The following UBAP2 variants were observed in gnomAD, a reference collection of about 807,000 sequenced individuals.
UBAP2 encodes ubiquitin associated protein 2.
In UBAP2, 75 loss-of-function variants were observed where a neutral mutation model predicts 139.6. That is an observed-to-expected ratio of 0.54 (90% CI 0.45 to 0.65). The LOEUF is 0.65. Among genes scored for constraint, UBAP2 ranks in the 30% least tolerant of loss-of-function variants. The pLI is 0.00. For missense variants in UBAP2, 1,368 were observed against 1,369.6 expected, an observed-to-expected ratio of 1.00 and a Z score of 0.02; for synonymous variants, 526 against 526.2, an observed-to-expected ratio of 1.00 and a Z score of 0.01.
chr9:34,032,643 G>A (rs1825981716), intron 1 of UBAP2, among the ~76,000 whole-genome samples: 1 of 152,128 alleles, frequency 6.6e-6, no homozygotes, highest in Non-Finnish European at 1.5e-5. Flanking sequence ...TGTTTCTTAG[G>A]CTGGGTGTGG....
At chr9:34,035,712 C>T (rs1055463438) in intron 1 of UBAP2, among the ~76,000 whole-genome samples, 1 of 151,126 alleles carries the variant, frequency 6.6e-6, no homozygotes, top group Non-Finnish European at 1.5e-5. Context: ...CAAACAAACA[C>T]TATCAACAAA....
chr9:33,942,093 C>G (rs573782446), intron 15 of UBAP2, among the ~76,000 whole-genome samples: 92 of 151,302 alleles, frequency 6.1e-4, no homozygotes, highest in African/African-American at 2.1e-3. Context: ...GTGGGCGGAT[C>G]CGGAGGTCAG....
chr9:33,986,988 G>T (rs1821273457), intron 5 of UBAP2, 151 bp from the exon 6 acceptor site: 1 of 714,386 alleles, frequency 1.4e-6, no homozygotes, highest in East Asian at 2.6e-5. Context: ...AAACAAAAGT[G>T]ACTTAAAAAC....
In UBAP2 at chr9:33,956,152, T is replaced by C. The variant is rs1217208487; in HGVS notation, c.799-6A>G. ...AAGACCTTTGTTTCAGAAAGCTGTATGGAAAGTTGAAAAATTTAATCTTAT... is the reference window on the plus strand; with the variant it reads ...AAGACCTTTGTTTCAGAAAGCTGTACGGAAAGTTGAAAAATTTAATCTTAT... On this transcript the variant is annotated splice_region_variant and splice_polypyrimidine_tract_variant and intron_variant, in intron 10 of 28. Coordinates refer to ENST00000379238, the MANE Select transcript of UBAP2 (RefSeq NM_001370062.2). The C allele has an allele frequency of 4.3e-6, 7 of 1,612,490 alleles. No homozygotes were observed. In the Middle Eastern group the frequency reaches 5.1e-4, roughly 117 times the overall value.
Position 33,927,796 on chromosome 9 carries a change from C to T in UBAP2, c.2371+1G>A. 1 of 1,607,522 alleles carries T rather than the reference C, an allele frequency of 6.2e-7. No homozygotes were observed. Among genetic ancestry groups the T allele is most frequent in the Non-Finnish European group, 8.5e-7 (1 of 1,177,334 alleles). On this transcript the variant is annotated splice_donor_variant, in intron 20 of 28. Transcript: ENST00000379238. LOFTEE classifies it high-confidence loss of function. ...GCAGGAAAGGCCTCTGGAGCAAATA[C>T]CTGAGGTCACCAAGGGCGCGGCCCT... is the stretch of plus-strand genomic sequence containing the variant.
intron 1 of UBAP2, among the ~76,000 whole-genome samples, chr9:34,020,112 T>G (rs192344249): frequency 3.5e-5 from 5 of 143,436 alleles, no homozygotes; most frequent in African/African-American, 1.3e-4. Context: ...GTGAGCCCAC[T>G]GCACTCCAGC....
intron 19 of UBAP2, 121 bp downstream of exon 19, chr9:33,932,441 T>C: frequency 8.7e-7 from 1 of 1,154,500 alleles, no homozygotes; most frequent in Non-Finnish European, 1.2e-6. Context: ...ATCAAGACAT[T>C]TCAGCCAAGC....
intron 23 of UBAP2, 75 bp from the exon 24 acceptor site, chr9:33,924,075 G>T (rs112904629): frequency 3.8e-6 from 6 of 1,593,976 alleles, no homozygotes; most frequent in Non-Finnish European, 4.3e-6. Context: ...CTGCAAACAG[G>T]AACAGGTCTG....
At chr9:33,945,809 T>C (rs897074146) in intron 13 of UBAP2, among the ~76,000 whole-genome samples, 1 of 152,222 alleles carries the variant, frequency 6.6e-6, no homozygotes, top group African/African-American at 2.4e-5. Context: ...CACATAGGTA[T>C]CATTTTATAA....
chr9:33,969,921 CTTTTTTTTTT>C lies in UBAP2; in HGVS notation c.679+1720_679+1729del, dbSNP rs1173625005. Among the ~76,000 whole-genome samples the C allele has an allele frequency of 1.7e-4, 8 of 46,180 alleles. 1 individual carries two copies. In the East Asian group the frequency reaches 7.7e-3, roughly 45 times the overall value. 30.3% of individuals were successfully genotyped at this position (46,180 alleles called of 152,430 possible). On this transcript the variant is annotated intron_variant, in intron 8 of 28. Coordinates refer to ENST00000379238, the MANE Select transcript of UBAP2 (RefSeq NM_001370062.2). ...GCAAACTTAAATACCGTGTATAATT[CTTTTTTTTTT>C]TTTTTTTTTTTTTTTTGAGACAGAG...
At chr9:33,979,653 C>T (rs1406274153) in intron 6 of UBAP2, among the ~76,000 whole-genome samples, 2 of 152,022 alleles carry the variant, frequency 1.3e-5, no homozygotes, top group African/African-American at 2.4e-5. Context: ...GAGGCCGAGG[C>T]GGGCAGATCA....
intron 2 of UBAP2, among the ~76,000 whole-genome samples, chr9:34,012,193 T>C (rs1016778973): frequency 6.6e-6 from 1 of 152,068 alleles, no homozygotes; most frequent in African/African-American, 2.4e-5. Context: ...CACAAGAGAG[T>C]TGACATCTGA....
At chr9:33,992,983 A>G (rs768458652) in intron 4 of UBAP2, among the ~76,000 whole-genome samples, 13 of 152,190 alleles carry the variant, frequency 8.5e-5, no homozygotes, top group Non-Finnish European at 1.8e-4. Context: ...CCTTTGCCAA[A>G]AACTACCAAC....
intron 1 of UBAP2, among the ~76,000 whole-genome samples, chr9:34,039,284 C>T (rs1221262489): frequency 6.6e-6 from 1 of 151,860 alleles, no homozygotes; most frequent in Non-Finnish European, 1.5e-5. Context: ...GGGGGGGCGC[C>T]TCTGCCCGGC....
intron 1 of UBAP2, among the ~76,000 whole-genome samples, chr9:34,018,513 A>G (rs1824597704): frequency 6.6e-6 from 1 of 152,074 alleles, no homozygotes; most frequent in African/African-American, 2.4e-5. Flanking sequence ...CTGGGTAGGC[A>G]CCAAAAACAA....
Position 33,922,602 on chromosome 9 carries a change from G to C in UBAP2, c.3265-3C>G. ...TGGCTGCGCTGACCCGAGCCACTCT[G>C]AGGAAGAGGAGAAGGGAAGGCTGTC... is the stretch of plus-strand genomic sequence containing the variant. On this transcript the variant is annotated splice_polypyrimidine_tract_variant and splice_region_variant and intron_variant, in intron 28 of 28. Transcript: ENST00000379238. 1 of 1,612,622 alleles carries C rather than the reference G, an allele frequency of 6.2e-7. No individual in the cohort carries two copies. Among genetic ancestry groups the C allele is most frequent in the Non-Finnish European group, 8.5e-7 (1 of 1,179,308 alleles).
chr9:33,956,065 C>A lies in UBAP2; in HGVS notation c.866+14G>T. On this transcript the variant is annotated intron_variant, in intron 11 of 28. Transcript: ENST00000379238. ...GCTTTGAATAACAAATATAAGATGG[C>A]AAAAAGTATTTACCTTTGCCCAGGT... 6.3e-7 allele frequency: 1 copy of A among 1,598,094 alleles called. No homozygotes were observed. The highest frequency in any genetic ancestry group is 8.5e-7 in the Non-Finnish European group (1 of 1,171,500).
At chr9:33,950,274 T>C (rs1443750279) in intron 12 of UBAP2, among the ~76,000 whole-genome samples, 4 of 152,082 alleles carry the variant, frequency 2.6e-5, no homozygotes, top group East Asian at 1.9e-4. Flanking sequence ...GGTTTCACCA[T>C]GTTAGCCAGG....
intron 6 of UBAP2, among the ~76,000 whole-genome samples, chr9:33,982,740 T>C (rs2131116181): frequency 6.6e-6 from 1 of 152,326 alleles, no homozygotes; most frequent in Non-Finnish European, 1.5e-5. Flanking sequence ...TTAACTTTTA[T>C]TTATTTGGGG....
Sources: allele counts gnomAD v4.1 joint callset (sites outside exome capture counted in the v4.1 genomes callset), GRCh38; gene constraint gnomAD v4.1.1; transcripts MANE v1.5; gene names NCBI Gene and HGNC (gene_info 2026-07-23, HGNC 2026-07-21).